CCSER2: variants seen among roughly 807,000 people sequenced by gnomAD.
The protein encoded by CCSER2 is coiled-coil serine rich protein 2, also known as serine-rich coiled-coil domain-containing protein 2.
CCSER2 carries 46 observed loss-of-function variants against 92.3 expected under a neutral mutation model. That is an observed-to-expected ratio of 0.50 (90% CI 0.39 to 0.64). The LOEUF (loss-of-function observed/expected upper bound fraction) is 0.64. Ranked by LOEUF, CCSER2 falls within the 30% of genes least tolerant of loss-of-function variation. CCSER2 has a pLI of 0.00. For synonymous variants in CCSER2, 433 were observed against 431.4 expected, an observed-to-expected ratio of 1.00 and a Z score of -0.04; for missense variants, 1,244 against 1,238.9, an observed-to-expected ratio of 1.00 and a Z score of -0.06.
rs1845542167 is a variant in CCSER2, at chr10:84,362,286, T to A, written c.-39-8728T>A. Among the ~76,000 whole-genome samples the A allele has an allele frequency of 2.0e-5, 3 of 152,220 alleles. No individual in the cohort carries two copies. In the South Asian group the frequency reaches 6.2e-4, roughly 32 times the overall value. On this transcript the variant is annotated intron_variant, in intron 1 of 9. Transcript: ENST00000372088. ...GATTTGACCTGGTGTTTGTAAAATG[T>A]CTGTACTTAATTGTTATAGGTGTCT...
chr10:84,439,831 A>G (rs1844416551), intron 6 of CCSER2, among the ~76,000 whole-genome samples: 1 of 152,248 alleles, frequency 6.6e-6, no homozygotes, highest in Admixed American at 6.5e-5. Flanking sequence ...GCCTAGTTCA[A>G]CTGTAACTAG....
In CCSER2 at chr10:84,498,918, A is replaced by G. The variant is rs978136911; in HGVS notation, c.2326-14531A>G. ...AAGTGAGGACATTGAAGTAAATGAC[A>G]TTTCAGGAGTATCGTAGTTCTGATA... On this transcript the variant is annotated intron_variant, in intron 9 of 9. Coordinates refer to ENST00000372088, the MANE Select transcript of CCSER2 (RefSeq NM_001284240.2). 3.3e-5 allele frequency among the ~76,000 whole-genome samples: 5 copies of G among 152,342 alleles called. No homozygotes were observed. In the South Asian group the frequency reaches 6.2e-4, roughly 19 times the overall value.
At chr10:84,461,726 A>G (rs991300287) in intron 6 of CCSER2, among the ~76,000 whole-genome samples, 8 of 151,052 alleles carry the variant, frequency 5.3e-5, no homozygotes, top group African/African-American at 7.3e-5. Context: ...CTTTTGGAGA[A>G]TTTTAATAAC....
intron 9 of CCSER2, among the ~76,000 whole-genome samples, chr10:84,481,525 T>G (rs1252793629): frequency 6.6e-6 from 1 of 151,974 alleles, no homozygotes; most frequent in African/African-American, 2.4e-5. Context: ...ACTGTTTGGG[T>G]TTGGTTTGGT....
chr10:84,408,334 T>C (rs1039178614), intron 3 of CCSER2, among the ~76,000 whole-genome samples: 1 of 152,076 alleles, frequency 6.6e-6, no homozygotes, highest in Non-Finnish European at 1.5e-5. Flanking sequence ...TTTTACAGAG[T>C]GGATCTTTAT....
chr10:84,329,951 G>C (rs1843468932), intron 1 of CCSER2, among the ~76,000 whole-genome samples: 1 of 152,150 alleles, frequency 6.6e-6, no homozygotes, highest in African/African-American at 2.4e-5. Context: ...ACACTTTGTT[G>C]AACCCTTTAG....
intron 3 of CCSER2, among the ~76,000 whole-genome samples, chr10:84,379,865 C>T (rs1329891663): frequency 1.3e-5 from 2 of 151,832 alleles, no homozygotes; most frequent in African/African-American, 4.8e-5. Flanking sequence ...TTTGAATATA[C>T]CTGTATTTTT....
chr10:84,375,018 A>G (rs1345261426), intron 3 of CCSER2, among the ~76,000 whole-genome samples: 1 of 152,178 alleles, frequency 6.6e-6, no homozygotes, highest in Non-Finnish European at 1.5e-5. Flanking sequence ...GAGGCTCAGA[A>G]AAGATAACAG....
chr10:84,362,483 G>C (rs904597250), intron 1 of CCSER2, among the ~76,000 whole-genome samples: 9 of 152,094 alleles, frequency 5.9e-5, no homozygotes, highest in African/African-American at 2.2e-4. Flanking sequence ...TTTGGCCAGG[G>C]GAACTTCTGG....
At chr10:84,469,058 T>A (rs1846624305) in intron 7 of CCSER2, among the ~76,000 whole-genome samples, 1 of 152,174 alleles carries the variant, frequency 6.6e-6, no homozygotes, top group Non-Finnish European at 1.5e-5. Context: ...TTAAAAATGA[T>A]CTTAAATGTT....
At chr10:84,464,125 G>T (rs182597719) in intron 7 of CCSER2, 109 bp downstream of exon 7, 7 of 568,542 alleles carry the variant, frequency 1.2e-5, no homozygotes, top group African/African-American at 1.2e-4. Context: ...TAAAGCATCA[G>T]GTTTGTTCTT....
intron 9 of CCSER2, among the ~76,000 whole-genome samples, chr10:84,483,975 AT>A (rs1167913764): frequency 2.0e-5 from 1 of 49,878 alleles, no homozygotes; most frequent in Non-Finnish European, 6.2e-5. Context: ...ATATATATAT[AT>A]ATATATATAT....
intron 1 of CCSER2, among the ~76,000 whole-genome samples, chr10:84,336,647 G>A (rs1843852886): frequency 1.3e-5 from 2 of 152,160 alleles, no homozygotes; most frequent in Admixed American, 1.3e-4. Context: ...GGAAATGATT[G>A]GTAGATGAGG....
At chr10:84,433,946 C>G (rs141649080) in intron 5 of CCSER2, among the ~76,000 whole-genome samples, 1 of 152,114 alleles carries the variant, frequency 6.6e-6, no homozygotes, top group Non-Finnish European at 1.5e-5. Context: ...GGGCTATGAT[C>G]GGCCACATAA....
chr10:84,400,280 A>G (rs1842050350), intron 3 of CCSER2, among the ~76,000 whole-genome samples: 1 of 152,182 alleles, frequency 6.6e-6, no homozygotes, highest in Admixed American at 6.6e-5. Context: ...GTCGTATCAA[A>G]GAATTCATTA....
chr10:84,421,364 A>G (rs1369232283), intron 4 of CCSER2, among the ~76,000 whole-genome samples: 1 of 152,316 alleles, frequency 6.6e-6, no homozygotes, highest in African/African-American at 2.4e-5. Flanking sequence ...GGTTTAGTTG[A>G]CTTACAGTTC....
chr10:84,405,150 C>A (rs914483066), intron 3 of CCSER2, among the ~76,000 whole-genome samples: 4 of 152,120 alleles, frequency 2.6e-5, no homozygotes, highest in Non-Finnish European at 5.9e-5. Flanking sequence ...GTAATAGAGG[C>A]TCCAGAAAAG....
intron 3 of CCSER2, among the ~76,000 whole-genome samples, chr10:84,377,263 C>T (rs1846389142): frequency 6.6e-6 from 1 of 152,014 alleles, no homozygotes; most frequent in Admixed American, 6.6e-5. Context: ...AGTCTTTTCC[C>T]ACCTTAATAT....
chr10:84,349,682 C>G (rs545813443), intron 1 of CCSER2, among the ~76,000 whole-genome samples: 8 of 152,210 alleles, frequency 5.3e-5, no homozygotes, highest in East Asian at 3.9e-4. Flanking sequence ...GACCTTGTTT[C>G]AAAAAGAAAG....
Sources: gnomAD v4.1 joint callset for allele counts (sites outside exome capture counted in the v4.1 genomes callset) on GRCh38, gnomAD v4.1.1 for gene constraint, MANE v1.5 for transcripts, NCBI Gene and HGNC (gene_info 2026-07-23, HGNC 2026-07-21) for gene names.